The following C3 variants were observed in gnomAD, a reference collection of about 807,000 sequenced individuals.
The protein encoded by C3 is C3 and PZP-like alpha-2-macroglobulin domain-containing protein 1.
In C3, 97 loss-of-function variants were observed where a neutral mutation model predicts 207.9. The observed-to-expected ratio is 0.47, with a 90% CI of 0.40 to 0.55. The LOEUF (loss-of-function observed/expected upper bound fraction) is 0.55. Ranked by LOEUF, C3 falls within the 20% of genes least tolerant of loss-of-function variation. The pLI, the probability that C3 is intolerant of heterozygous loss-of-function variation, is 0.00. For synonymous variants in C3, 848 were observed against 857.6 expected, an observed-to-expected ratio of 0.99 and a Z score of 0.20; for missense variants, 1,684 against 2,171.7, an observed-to-expected ratio of 0.78 and a Z score of 4.46.
At chr19:6,696,801 G>T in intron 21 of C3, 142 bp from the exon 22 acceptor site, 1 of 787,848 alleles carries the variant, frequency 1.3e-6, no homozygotes, top group Admixed American at 1.8e-5. Flanking sequence ...TAGCACTTTG[G>T]GAGGCCGAGG....
At chr19:6,686,409 T>G in intron 28 of C3, 122 bp from the exon 29 acceptor site, 1 of 1,068,642 alleles carries the variant, frequency 9.4e-7, no homozygotes, top group South Asian at 1.3e-5. Context: ...TGGCTGACAT[T>G]CGAGGCTCTC....
intron 4 of C3, chr19:6,717,722 TTGTGTTGTGTGTGTTG>T: frequency 7.7e-6 from 3 of 391,656 alleles, no homozygotes; most frequent in South Asian, 4.4e-5. Flanking sequence ...ATGTTGTGTA[TTGTGTTGTGTGTGTTG>T]TGTGTTGTGT....
chr19:6,707,529 A>G lies in C3; in HGVS notation c.1984T>C (p.Cys662Arg). ...CGTCGGCGGGCGGCTGGCTGCGGGC[A>G]CTGAAGTTCTGCAGGGCAGGCGGAC... ...QQTAQRAELQ[C>R]PQPAARRRRS... The change falls in exon 16 of 41, where the codon TGC (cysteine) becomes CGC (arginine). Residue 662 changes from cysteine to arginine, a missense_variant. Coordinates refer to ENST00000245907, the MANE Select transcript of C3 (RefSeq NM_000064.4). 6.2e-7 allele frequency: 1 copy of G among 1,613,984 alleles called. No individual in the cohort carries two copies. The highest frequency in any genetic ancestry group is 8.5e-7 in the Non-Finnish European group (1 of 1,179,950).
chr19:6,713,001 C>T lies in C3; in HGVS notation c.1003+188G>A, dbSNP rs552668111. 7.2e-5 allele frequency among the ~76,000 whole-genome samples: 11 copies of T among 152,154 alleles called. No homozygotes were observed. In the South Asian group the frequency reaches 2.3e-3, roughly 32 times the overall value. ...CCCACCTTTATACTGGCCCTGCCTC[C>T]CCCCATCAGGCTGGAATCCATCTTC... is the stretch of plus-strand genomic sequence containing the variant. On this transcript the variant is annotated intron_variant, in intron 9 of 40. Transcript: ENST00000245907.
In C3 at chr19:6,697,543, A is replaced by G. The variant is rs906190902; in HGVS notation, c.2597T>C (p.Leu866Pro). Residue 866 changes from leucine (L) to proline (P), a missense_variant, in exon 21 of 41, where the codon CTA becomes CCA. Leu to Pro is a moderately conservative substitution (Grantham distance 98). This residue lies in a region of C3 where 1,280 missense variants were observed against 1,739.1 expected (regional missense o/e 0.74). Coordinates refer to ENST00000245907, the MANE Select transcript of C3 (RefSeq NM_000064.4). ...QNQELKVRVELLHNPAFCSLA... is the reference protein window; with the variant it reads ...QNQELKVRVEPLHNPAFCSLA... The stretch of plus-strand genomic sequence containing the variant: ...GCTGCAGAAGGCTGGATTGTGGAGT[A>G]GTTCCACCCTCACCTGCCAGGGAGA... The G allele has an allele frequency of 1.2e-6, 2 of 1,613,720 alleles. No individual in the cohort carries two copies. Among genetic ancestry groups the G allele is most frequent in the Non-Finnish European group, 1.7e-6 (2 of 1,179,952 alleles).
rs377076572 is a variant in C3 at position 6,679,389 on chromosome 19, C to T, written c.4546+18G>A. 1.7e-5 allele frequency: 28 copies of T among 1,601,678 alleles called. No individual in the cohort carries two copies. The highest frequency in any genetic ancestry group is 4.4e-5 in the South Asian group (4 of 90,868). On this transcript the variant is annotated intron_variant, in intron 37 of 40. Transcript: ENST00000245907. ...TGGCTTGCTCAGACCCACCTGTTCCCGGCTCCAGGGAACTCACCCTCAGCA... is the reference window on the plus strand; with the variant it reads ...TGGCTTGCTCAGACCCACCTGTTCCTGGCTCCAGGGAACTCACCCTCAGCA...
Position 6,697,566 on chromosome 19 carries a change from A to G in C3, c.2584-10T>C. The G allele has an allele frequency of 6.2e-7, 1 of 1,613,712 alleles. No homozygotes were observed. ...GTAGTTCCACCCTCACCTGCCAGGG[A>G]GAGAAAGGATCCGGGCAAGTGTGTG... On this transcript the variant is annotated splice_polypyrimidine_tract_variant and intron_variant, in intron 20 of 40. Transcript: ENST00000245907.
At chr19:6,712,475 A>C (rs1383588900) in intron 10 of C3, 33 bp downstream of exon 10, 1 of 1,613,684 alleles carries the variant, frequency 6.2e-7, no homozygotes, top group East Asian at 2.2e-5. Flanking sequence ...CCCCGAAGGG[A>C]GGAGTGGGAC....
At chr19:6,698,026 T>C (rs408744) in intron 19 of C3, among the ~76,000 whole-genome samples, 2 of 149,598 alleles carry the variant, frequency 1.3e-5, no homozygotes, top group Non-Finnish European at 3.0e-5. Context: ...ATTATTATTA[T>C]TAATTATTTG....
chr19:6,693,189 C>A, intron 25 of C3, 106 bp from the exon 26 acceptor site: 3 of 1,398,082 alleles, frequency 2.1e-6, no homozygotes, highest in South Asian at 1.2e-5. Context: ...CCCAGTTTGC[C>A]TGGTTTGCCT....
At chr19:6,690,386 A>C (rs1408917952) in intron 27 of C3, among the ~76,000 whole-genome samples, 1 of 152,218 alleles carries the variant, frequency 6.6e-6, no homozygotes, top group East Asian at 1.9e-4. Context: ...GGATAATAAG[A>C]GTGACTTACC....
rs1968121948 is a variant in C3, at chr19:6,719,603, A to T, written c.75-200T>A. Among the ~76,000 whole-genome samples the T allele has an allele frequency of 6.6e-6, 1 of 152,084 alleles. No individual in the cohort carries two copies. ...CAACCACATGGGCAGGACAGCAGCCACCATGACTCCCACTCTCAGCCAGCT... is the reference window on the plus strand; with the variant it reads ...CAACCACATGGGCAGGACAGCAGCCTCCATGACTCCCACTCTCAGCCAGCT... On this transcript the variant is annotated intron_variant, in intron 1 of 40. Coordinates refer to ENST00000245907, the MANE Select transcript of C3 (RefSeq NM_000064.4). This position sits in a 1 kb window ranked among gnomAD's most constrained non-coding sequence, Gnocchi z 5.4.
intron 4 of C3, among the ~76,000 whole-genome samples, chr19:6,714,836 T>C (rs1967999508): frequency 6.6e-6 from 1 of 152,160 alleles, no homozygotes; most frequent in Admixed American, 6.5e-5. Context: ...CACTCCAGCC[T>C]GGGAGACAGA....
At chr19:6,678,597 C>T (rs1334073181) in intron 38 of C3, 142 bp from the exon 39 acceptor site, 3 of 690,500 alleles carry the variant, frequency 4.3e-6, no homozygotes, top group East Asian at 2.7e-5. Flanking sequence ...TATGGCCCAC[C>T]CCTCATTACA....
intron 20 of C3, 23 bp downstream of exon 20, chr19:6,697,629 G>A: frequency 6.2e-7 from 1 of 1,614,098 alleles, no homozygotes. Flanking sequence ...CCTCCAAGAA[G>A]CCTCTGCCAC....
Position 6,713,515 on chromosome 19 carries a change from G to T in C3, c.774-6C>A. 6.2e-7 allele frequency: 1 copy of T among 1,604,082 alleles called. No individual in the cohort carries two copies. The highest frequency in any genetic ancestry group is 8.5e-7 in the Non-Finnish European group (1 of 1,171,280). On this transcript the variant is annotated splice_polypyrimidine_tract_variant and splice_region_variant and intron_variant, in intron 7 of 40. Coordinates refer to ENST00000245907, the MANE Select transcript of C3 (RefSeq NM_000064.4). The stretch of plus-strand genomic sequence containing the variant: ...CTTTCTTCCCGTAGAGGAACCTACG[G>T]GACAGACAAGGAGGGCTTCAGGTCC...
At chr19:6,711,918 G>A (rs1191471518) in intron 11 of C3, among the ~76,000 whole-genome samples, 2 of 152,226 alleles carry the variant, frequency 1.3e-5, no homozygotes, top group African/African-American at 2.4e-5. Context: ...GCGCCTCTCC[G>A]TGTAAGTGGA....
intron 17 of C3, among the ~76,000 whole-genome samples, chr19:6,705,254 G>T (rs1017483850): frequency 6.6e-6 from 1 of 152,078 alleles, no homozygotes; most frequent in Non-Finnish European, 1.5e-5. Flanking sequence ...TTTTCCCAGT[G>T]ACCCTCACAC....
chr19:6,708,064 CCCTT>C, intron 14 of C3, 135 bp from the exon 15 acceptor site: 1 of 949,852 alleles, frequency 1.1e-6, no homozygotes, highest in Non-Finnish European at 1.6e-6. Context: ...CCTGCTTCTG[CCCTT>C]CCTTTCTCTT....
Sources: allele counts gnomAD v4.1 joint callset (sites outside exome capture counted in the v4.1 genomes callset), GRCh38; gene constraint gnomAD v4.1.1; regional missense constraint gnomAD v4.1.1; non-coding constraint Gnocchi (gnomAD v3.1); transcripts MANE v1.5; gene names NCBI Gene and HGNC (gene_info 2026-07-23, HGNC 2026-07-21).